SCEL: variants seen among roughly 807,000 people sequenced by gnomAD.
The protein encoded by SCEL is sciellin.
A neutral mutation model predicts 117.6 loss-of-function variants in SCEL; 113 were observed. That is an observed-to-expected ratio of 0.96 (90% CI 0.83 to 1.12). SCEL has a LOEUF of 1.12. Among genes scored for constraint, SCEL ranks in the 50% most tolerant of loss-of-function variants. The probability of loss-of-function intolerance (pLI) is 0.00; values close to 1 mark genes in which losing one functional copy is unlikely to be tolerated. For missense variants in SCEL, 785 were observed against 810.8 expected (o/e 0.97, Z 0.39); for synonymous variants, 270 against 256.2 (o/e 1.05, Z -0.51).
At chr13:77,547,535 ACT>A (rs1241453417) in intron 1 of SCEL, among the ~76,000 whole-genome samples, 3 of 152,068 alleles carry the variant, frequency 2.0e-5, no homozygotes, top group African/African-American at 7.2e-5. Context: ...TCCATCCCTC[ACT>A]CTCTCATCCT....
rs1379763456 is a variant in SCEL at position 77,567,748 on chromosome 13, G to A, written c.359G>A (p.Arg120Lys). The change falls in exon 6 of 33, where the codon AGG becomes AAG. Residue 120 changes from arginine to lysine, a missense_variant and splice_region_variant. Coordinates refer to ENST00000349847, the MANE Select transcript of SCEL (RefSeq NM_144777.3). ...ACCTTGGATAACCAACTAACCAATA[G>A]GTACCAGTATCTACTAACTATGGGA... Reference protein sequence around the residue: ...ANTLDNQLTNRSMSMFRSLEV... With the variant: ...ANTLDNQLTNKSMSMFRSLEV... 6.3e-7 allele frequency: 1 copy of A among 1,585,172 alleles called. No individual in the cohort carries two copies. The highest frequency in any genetic ancestry group is 1.4e-5 in the African/African-American group (1 of 73,914).
intron 2 of SCEL, 111 bp from the exon 3 acceptor site, chr13:77,556,485 C>G: frequency 1.2e-6 from 1 of 844,602 alleles, no homozygotes; most frequent in East Asian, 2.4e-5. Flanking sequence ...GACTTGCCAG[C>G]CCAGATTGAT....
chr13:77,623,502 A>T (rs117392741), intron 27 of SCEL: 8 of 152,198 alleles, frequency 5.3e-5, no homozygotes, highest in Admixed American at 2.0e-4. Context: ...TTACTCTACC[A>T]AACCTGATAT....
At chr13:77,628,774 G>C (rs1482397713) in intron 28 of SCEL, among the ~76,000 whole-genome samples, 1 of 152,066 alleles carries the variant, frequency 6.6e-6, no homozygotes, top group African/African-American at 2.4e-5. Context: ...AAAAGAGCTG[G>C]CTCATTTTTC....
At chr13:77,613,254 C>T (rs1178420586) in intron 23 of SCEL, among the ~76,000 whole-genome samples, 2 of 151,942 alleles carry the variant, frequency 1.3e-5, no homozygotes, top group Non-Finnish European at 2.9e-5. Flanking sequence ...GTTCATAAAA[C>T]TGAACAAATC....
chr13:77,641,518 G>A (rs900547017), intron 31 of SCEL, among the ~76,000 whole-genome samples: 1 of 152,184 alleles, frequency 6.6e-6, no homozygotes, highest in Non-Finnish European at 1.5e-5. Context: ...GTGTTGACTA[G>A]ACCAGTGGAT....
At chr13:77,607,200 C>A (rs191642112) in intron 19 of SCEL, among the ~76,000 whole-genome samples, 15 of 151,984 alleles carry the variant, frequency 9.9e-5, no homozygotes, top group African/African-American at 3.4e-4. Flanking sequence ...AGGTGTGCAC[C>A]ACCATTCCAG....
intron 8 of SCEL, among the ~76,000 whole-genome samples, chr13:77,569,792 A>T (rs1249449284): frequency 6.6e-6 from 1 of 152,204 alleles, no homozygotes; most frequent in African/African-American, 2.4e-5. Context: ...ACCGGCCTGT[A>T]TCTGGAGATG....
At chr13:77,553,995 T>C (rs2154395517) in intron 1 of SCEL, among the ~76,000 whole-genome samples, 1 of 152,182 alleles carries the variant, frequency 6.6e-6, no homozygotes, top group Admixed American at 6.5e-5. Context: ...GTGAAGGTAA[T>C]GGTCATGATG....
chr13:77,565,869 C>G (rs1195426012), intron 5 of SCEL, among the ~76,000 whole-genome samples: 1 of 152,100 alleles, frequency 6.6e-6, no homozygotes. Flanking sequence ...CTCTAGTGCT[C>G]CATTGTGAAA....
chr13:77,634,990 T>C (rs2154406595), intron 29 of SCEL, among the ~76,000 whole-genome samples: 1 of 152,208 alleles, frequency 6.6e-6, no homozygotes. Flanking sequence ...TCAAGGAATA[T>C]AAAACAAGAA....
chr13:77,617,527 A>G (rs1476082823), intron 24 of SCEL, 72 bp from the exon 25 acceptor site: 2 of 864,418 alleles, frequency 2.3e-6, no homozygotes, highest in Admixed American at 2.3e-5. Context: ...TATCCTTTCT[A>G]TCCATTTCCA....
At chr13:77,584,398 AGGGG>A (rs957486822) in intron 9 of SCEL, among the ~76,000 whole-genome samples, 10 of 152,212 alleles carry the variant, frequency 6.6e-5, no homozygotes, top group African/African-American at 2.4e-4. Context: ...CTGGCCCAGC[AGGGG>A]TGTAAATGCA....
At position 77,599,725 on chromosome 13, in the gene SCEL, C is replaced by T. The variant is rs758528331; in HGVS notation, c.894C>T (p.Thr298=). ...TTGAAAGTCTCATCTATATGAGTAC[C>T]CGGACAGATAAAGATGGCAAAGGGT... ...KSLESLIYMS[T]RTDKDGKGIQ... is the part of the protein sequence containing the mutation. The change falls in exon 15 of 33, where the codon ACC becomes ACT. Residue 298 remains threonine, a synonymous_variant. Coordinates refer to ENST00000349847, the MANE Select transcript of SCEL (RefSeq NM_144777.3). 1 of 1,611,720 alleles carries T rather than the reference C, an allele frequency of 6.2e-7. No homozygotes were observed. The highest frequency in any genetic ancestry group is 1.7e-5 in the Admixed American group (1 of 59,988).
At chr13:77,555,200 T>TG (rs2084582891) in intron 1 of SCEL, among the ~76,000 whole-genome samples, 1 of 152,196 alleles carries the variant, frequency 6.6e-6, no homozygotes, top group Non-Finnish European at 1.5e-5. Context: ...AATTCAGTTC[T>TG]GGGGAACTGG....
In SCEL at chr13:77,602,204, C is replaced by A. The variant is rs555795577; in HGVS notation, c.977+80C>A. 10 of 1,202,244 alleles carry A rather than the reference C, an allele frequency of 8.3e-6. No homozygotes were observed. The African/African-American group carries it at 1.5e-4, about 18-fold the overall frequency. The allele number at this position is 1,202,244 out of a possible 1,614,324, so 74.5% of individuals were successfully genotyped here. On this transcript the variant is annotated intron_variant, in intron 16 of 32. Transcript: ENST00000349847. ...CCTCATTAGGAATGGGAGTGTTATG[C>A]TTTCCTTTGTGGCAGTGAACTCTTG...
At chr13:77,622,163 G>T (rs1392951214) in intron 27 of SCEL, among the ~76,000 whole-genome samples, 1 of 152,102 alleles carries the variant, frequency 6.6e-6, no homozygotes, top group Non-Finnish European at 1.5e-5. Context: ...GGCGTAAAAG[G>T]AATACCATAG....
At chr13:77,604,529 C>G in intron 19 of SCEL, 114 bp downstream of exon 19, 2 of 719,122 alleles carry the variant, frequency 2.8e-6, no homozygotes, top group Non-Finnish European at 4.4e-6. Context: ...ACAAACTGAG[C>G]TCTTTTTTCT....
intron 27 of SCEL, among the ~76,000 whole-genome samples, chr13:77,624,564 A>T (rs976416068): frequency 6.6e-6 from 1 of 152,186 alleles, no homozygotes; most frequent in Non-Finnish European, 1.5e-5. Context: ...TAGGACTTCA[A>T]CATATGAATT....
Sources: allele counts gnomAD v4.1 joint callset (sites outside exome capture counted in the v4.1 genomes callset), GRCh38; gene constraint gnomAD v4.1.1; transcripts MANE v1.5; gene names NCBI Gene and HGNC (gene_info 2026-07-23, HGNC 2026-07-21).